Variants in CAMKMT observed in about 807,000 individuals in gnomAD.
The protein encoded by CAMKMT is CaM KMT.
CAMKMT carries 53 observed loss-of-function variants against 48.0 expected under a neutral mutation model. The observed-to-expected ratio is 1.10, with a 90% CI of 0.89 to 1.39. CAMKMT has a LOEUF of 1.39. CAMKMT is among the 40% of genes most tolerant of loss of function. CAMKMT has a pLI of 0.00. For missense variants in CAMKMT, 428 were observed against 402.7 expected, an observed-to-expected ratio of 1.06 and a Z score of -0.54; for synonymous variants, 165 against 152.3, an observed-to-expected ratio of 1.08 and a Z score of -0.61.
At chr2:44,489,393 C>T (rs140693245) in intron 3 of CAMKMT, among the ~76,000 whole-genome samples, 1 of 151,802 alleles carries the variant, frequency 6.6e-6, no homozygotes, top group African/African-American at 2.4e-5. Flanking sequence ...TTACAGGCAC[C>T]CGCCAGCATG....
intron 3 of CAMKMT, among the ~76,000 whole-genome samples, chr2:44,677,291 A>C (rs891756824): frequency 2.0e-5 from 3 of 152,190 alleles, no homozygotes; most frequent in African/African-American, 7.2e-5. Flanking sequence ...CAGGGATAAG[A>C]GGAGTCACCA....
intron 1 of CAMKMT, among the ~76,000 whole-genome samples, chr2:44,370,792 C>A (rs1292298666): frequency 6.6e-6 from 1 of 152,076 alleles, no homozygotes; most frequent in Non-Finnish European, 1.5e-5. Context: ...TATTGTCATT[C>A]AATTCAAAAT....
At chr2:44,758,476 A>G (rs62134162) in intron 9 of CAMKMT, among the ~76,000 whole-genome samples, 5,249 of 152,250 alleles carry the variant, frequency 0.034, 125 homozygotes, top group Non-Finnish European at 0.054. Context: ...ATTTGTTACC[A>G]CCTGAAATGC....
At chr2:44,430,723 T>C (rs956771513) in intron 3 of CAMKMT, among the ~76,000 whole-genome samples, 2 of 152,154 alleles carry the variant, frequency 1.3e-5, no homozygotes, top group African/African-American at 4.8e-5. Flanking sequence ...TTTTCCTGTG[T>C]TGGATTTGTT....
In CAMKMT at chr2:44,651,503, G is replaced by C. The variant is rs146079205; in HGVS notation, c.377-52780G>C. On this transcript the variant is annotated intron_variant, in intron 3 of 10. Coordinates refer to ENST00000378494, the MANE Select transcript of CAMKMT (RefSeq NM_024766.5). ...GTTTAAGACCAGCCTGGCCAACGTG[G>C]TGAAACCCTGTCTCTACTAAAGATA... Among the ~76,000 whole-genome samples the C allele has an allele frequency of 2.0e-3, 309 of 152,290 alleles. 1 individual carries two copies. In the Middle Eastern group the frequency reaches 0.024, roughly 12 times the overall value.
In CAMKMT at chr2:44,768,243, A is replaced by T. The variant is rs143830822; in HGVS notation, c.894+1682A>T. Among the ~76,000 whole-genome samples, 113 of 151,516 alleles carry T rather than the reference A, an allele frequency of 7.5e-4. 1 individual carries two copies. The highest frequency in any genetic ancestry group is 2.6e-3 in the African/African-American group (106 of 41,240). Reference sequence around the variant, plus strand: ...ACATTGGTACATTGGACTAAGAAATAGTTGTCTTCGTGGTTGGGGGTGGGG... The same window carrying T: ...ACATTGGTACATTGGACTAAGAAATTGTTGTCTTCGTGGTTGGGGGTGGGG... On this transcript the variant is annotated intron_variant, in intron 10 of 10. Coordinates refer to ENST00000378494, the MANE Select transcript of CAMKMT (RefSeq NM_024766.5).
chr2:44,372,679 A>G (rs766670848), intron 1 of CAMKMT, 37 bp from the exon 2 acceptor site: 22 of 1,583,862 alleles, frequency 1.4e-5, no homozygotes, highest in Admixed American at 9.5e-5. Context: ...CTATATGTTT[A>G]GATAACATGA....
At position 44,415,783 on chromosome 2, in the gene CAMKMT, C is replaced by G. The variant is rs965769789; in HGVS notation, c.376+25478C>G. ...CCTGGGTGGGAAGTGTGCTAGAAAT[C>G]ATAGTATTCCTTTTCAAAGTATTTT... On this transcript the variant is annotated intron_variant, in intron 3 of 10. Transcript: ENST00000378494. Among the ~76,000 whole-genome samples, 7 of 152,268 alleles carry G rather than the reference C, an allele frequency of 4.6e-5. No homozygotes were observed. The South Asian group carries it at 1.5e-3, about 32-fold the overall frequency.
chr2:44,402,557 G>A (rs966495818), intron 3 of CAMKMT, among the ~76,000 whole-genome samples: 3 of 151,524 alleles, frequency 2.0e-5, no homozygotes, highest in African/African-American at 4.8e-5. Context: ...ACATTGTGTT[G>A]GACATTTCTT....
intron 3 of CAMKMT, among the ~76,000 whole-genome samples, chr2:44,582,133 A>G (rs1669600771): frequency 6.6e-6 from 1 of 152,266 alleles, no homozygotes; most frequent in African/African-American, 2.4e-5. Flanking sequence ...AGGTAAGTAC[A>G]GGATGGCATC....
intron 3 of CAMKMT, among the ~76,000 whole-genome samples, chr2:44,475,441 C>G (rs1319955384): frequency 6.6e-6 from 1 of 151,858 alleles, no homozygotes; most frequent in Non-Finnish European, 1.5e-5. Context: ...TCTCAGCTTC[C>G]TGAGTAGCTA....
At chr2:44,677,676 C>A (rs1241806308) in intron 3 of CAMKMT, among the ~76,000 whole-genome samples, 1 of 151,464 alleles carries the variant, frequency 6.6e-6, no homozygotes, top group African/African-American at 2.4e-5. Flanking sequence ...CCACTGCACT[C>A]CAGACTGGGC....
intron 3 of CAMKMT, among the ~76,000 whole-genome samples, chr2:44,420,911 G>A (rs1410176556): frequency 6.6e-6 from 1 of 151,458 alleles, no homozygotes; most frequent in East Asian, 1.9e-4. Context: ...ATCACTTTCA[G>A]AGCTTTTCGC....
intron 1 of CAMKMT, among the ~76,000 whole-genome samples, chr2:44,371,988 TA>T (rs1265679970): frequency 6.6e-6 from 1 of 152,218 alleles, no homozygotes; most frequent in Admixed American, 6.5e-5. Context: ...TTCATTATGC[TA>T]AAACATACAT....
intron 3 of CAMKMT, among the ~76,000 whole-genome samples, chr2:44,422,082 T>G (rs1191018867): frequency 6.6e-6 from 1 of 151,930 alleles, no homozygotes; most frequent in Admixed American, 6.6e-5. Flanking sequence ...GTGTTGGAGG[T>G]GGGGCCTGGT....
intron 1 of CAMKMT, among the ~76,000 whole-genome samples, chr2:44,364,129 G>A (rs1262338449): frequency 6.6e-6 from 1 of 150,904 alleles, no homozygotes; most frequent in Non-Finnish European, 1.5e-5. Flanking sequence ...AATTACAGGG[G>A]TATGCCATGA....
At chr2:44,726,672 C>G (rs1343751356) in intron 7 of CAMKMT, among the ~76,000 whole-genome samples, 1 of 152,162 alleles carries the variant, frequency 6.6e-6, no homozygotes, top group East Asian at 1.9e-4. Flanking sequence ...CTGTTGGAGA[C>G]TTAGCCAAAA....
At chr2:44,501,740 G>A (rs1670016605) in intron 3 of CAMKMT, among the ~76,000 whole-genome samples, 1 of 152,110 alleles carries the variant, frequency 6.6e-6, no homozygotes, top group East Asian at 1.9e-4. Context: ...TAAAGGAGCT[G>A]GGCATGGTGG....
intron 3 of CAMKMT, among the ~76,000 whole-genome samples, chr2:44,656,605 C>G (rs181234221): frequency 9.9e-5 from 15 of 152,146 alleles, no homozygotes; most frequent in Middle Eastern, 3.2e-3. Flanking sequence ...TCTCCCTTCT[C>G]CATTCCACTA....
Sources: gnomAD v4.1 joint callset for allele counts (sites outside exome capture counted in the v4.1 genomes callset) on GRCh38, gnomAD v4.1.1 for gene constraint, MANE v1.5 for transcripts, NCBI Gene and HGNC (gene_info 2026-07-23, HGNC 2026-07-21) for gene names.